NFASC: variants seen among roughly 807,000 people sequenced by gnomAD.
NFASC encodes the protein neurofascin homolog.
Under a neutral mutation model 147.5 loss-of-function variants are expected in NFASC, and 43 were observed. That is an observed-to-expected ratio of 0.29 (90% CI 0.23 to 0.38). The LOEUF is 0.38. Ranked by LOEUF, NFASC falls within the 10% of genes least tolerant of loss-of-function variation. The pLI, the probability that NFASC is intolerant of heterozygous loss-of-function variation, is 1.00. For synonymous variants in NFASC, 622 were observed against 665.5 expected (o/e 0.93, Z 1.01); for missense variants, 1,320 against 1,689.0 (o/e 0.78, Z 3.83).
At chr1:204,840,526 T>G (rs1250598694) in intron 1 of NFASC, among the ~76,000 whole-genome samples, 1 of 152,220 alleles carries the variant, frequency 6.6e-6, no homozygotes. Context: ...TACTAACACC[T>G]GCACCACAGT....
chr1:204,887,768 T>C (rs1053180148), intron 1 of NFASC, among the ~76,000 whole-genome samples: 3 of 151,946 alleles, frequency 2.0e-5, no homozygotes, highest in African/African-American at 7.3e-5. Context: ...AGCTAATTTT[T>C]TATATTTTTT....
intron 1 of NFASC, among the ~76,000 whole-genome samples, chr1:204,916,380 G>A (rs2089255002): frequency 6.6e-6 from 1 of 152,310 alleles, no homozygotes; most frequent in Non-Finnish European, 1.5e-5. Context: ...GGTGGTAATT[G>A]TGATTTCATT....
intron 3 of NFASC, among the ~76,000 whole-genome samples, chr1:204,945,832 C>T (rs747913070): frequency 1.1e-4 from 16 of 152,138 alleles, no homozygotes; most frequent in African/African-American, 3.4e-4. Flanking sequence ...GCCAAGTCCC[C>T]GGAGGGAGGG....
chr1:204,971,796 C>G (rs1382556449), intron 11 of NFASC, among the ~76,000 whole-genome samples: 1 of 152,172 alleles, frequency 6.6e-6, no homozygotes, highest in African/African-American at 2.4e-5. Flanking sequence ...TGTTACTCCC[C>G]AGCTACAAGC....
chr1:204,885,646 CT>C (rs1280347476), intron 1 of NFASC, among the ~76,000 whole-genome samples: 1 of 152,218 alleles, frequency 6.6e-6, no homozygotes, highest in Non-Finnish European at 1.5e-5. Context: ...ACATCACAGC[CT>C]GGTGGGTGGG....
intron 1 of NFASC, among the ~76,000 whole-genome samples, chr1:204,885,510 A>G (rs1221347219): frequency 6.6e-6 from 1 of 152,224 alleles, no homozygotes; most frequent in Non-Finnish European, 1.5e-5. Flanking sequence ...GATGCTAGAA[A>G]TATTTTGCAA....
chr1:204,976,927 C>T (rs760039536), intron 16 of NFASC, 132 bp downstream of exon 16: 1 of 1,451,902 alleles, frequency 6.9e-7, no homozygotes, highest in Non-Finnish European at 9.1e-7. Context: ...GTGATCTCTT[C>T]TTGCCTCGTG....
At chr1:204,839,664 G>A (rs558856335) in intron 1 of NFASC, among the ~76,000 whole-genome samples, 1 of 152,310 alleles carries the variant, frequency 6.6e-6, no homozygotes, top group South Asian at 2.1e-4. Flanking sequence ...TCCTGAGCTC[G>A]CCTCTCCTCT....
At chr1:204,993,004 T>C (rs575692552) in intron 24 of NFASC, among the ~76,000 whole-genome samples, 67 of 152,344 alleles carry the variant, frequency 4.4e-4, no homozygotes, top group Middle Eastern at 3.4e-3. Context: ...TTGCACTTTT[T>C]TGGAAATGAG....
chr1:204,903,911 A>T lies in NFASC; in HGVS notation c.-199-16721A>T, dbSNP rs77413035. ...ATCTTTTTATCTTTCACAGGGTTGTAGGGTGTTTGTTGAAATTTTGCTATA... is the reference window on the plus strand; with the variant it reads ...ATCTTTTTATCTTTCACAGGGTTGTTGGGTGTTTGTTGAAATTTTGCTATA... On this transcript the variant is annotated intron_variant, in intron 1 of 29. Coordinates refer to ENST00000339876, the MANE Select transcript of NFASC (RefSeq NM_001005388.3). Among the ~76,000 whole-genome samples, 205 of 152,272 alleles carry T rather than the reference A, an allele frequency of 1.3e-3. 4 individuals are homozygous for T. The East Asian group carries it at 0.037, about 27-fold the overall frequency.
At chr1:205,002,516 G>C in intron 26 of NFASC, 80 bp from the exon 27 acceptor site, 1 of 1,208,216 alleles carries the variant, frequency 8.3e-7, no homozygotes, top group East Asian at 2.9e-5. Flanking sequence ...TTCTACCTTT[G>C]ACAGGTGACC....
At chr1:204,998,487 G>A (rs939231270) in intron 25 of NFASC, 4 of 152,226 alleles carry the variant, frequency 2.6e-5, no homozygotes, top group Non-Finnish European at 5.9e-5. Flanking sequence ...ATAGACATGA[G>A]AGGATTTTGT....
At position 204,997,219 on chromosome 1, in the gene NFASC, C is replaced by T. The variant is rs995735904; in HGVS notation, c.2832C>T (p.Ser944=). The change falls in exon 25 of 30, where the codon AGC becomes AGT. Residue 944 remains serine (S), a synonymous_variant. Transcript: ENST00000339876. ...PTTVGATGAV[S]STDATAIAAT... ...CCGTGGGTGCGACGGGCGCTGTGAGCAGTACCGATGCTACTGCCATTGCTG... is the reference window on the plus strand; with the variant it reads ...CCGTGGGTGCGACGGGCGCTGTGAGTAGTACCGATGCTACTGCCATTGCTG... 3 of 1,613,780 alleles carry T rather than the reference C, an allele frequency of 1.9e-6. No homozygotes were observed. The highest frequency in any genetic ancestry group is 2.5e-6 in the Non-Finnish European group (3 of 1,179,860).
intron 3 of NFASC, among the ~76,000 whole-genome samples, chr1:204,948,049 G>C (rs1228619837): frequency 6.6e-6 from 1 of 152,142 alleles, no homozygotes; most frequent in African/African-American, 2.4e-5. Flanking sequence ...TCAATCACAC[G>C]CACTCACGTG....
rs562769242 is a variant in NFASC, at chr1:204,986,510, C to A, written c.2471-908C>A. Among the ~76,000 whole-genome samples the A allele has an allele frequency of 6.6e-6, 1 of 152,226 alleles. No homozygotes were observed. Among genetic ancestry groups the A allele is most frequent in the Non-Finnish European group, 1.5e-5 (1 of 68,038 alleles). On this transcript the variant is annotated intron_variant, in intron 21 of 29. Coordinates refer to ENST00000339876, the MANE Select transcript of NFASC (RefSeq NM_001005388.3). This position sits in a 1 kb window ranked among gnomAD's most constrained non-coding sequence, Gnocchi z 4.2. ...CAACACCTTCACGGTTCTCCCCCCACGTTCTCAAGAAGCCGTCACTGAAAT... is the reference window on the plus strand; with the variant it reads ...CAACACCTTCACGGTTCTCCCCCCAAGTTCTCAAGAAGCCGTCACTGAAAT...
chr1:204,979,572 G>A lies in NFASC; in HGVS notation c.2176+13G>A. ...ACCAGTGGAGCACGTGAGTACCCGA[G>A]GGCTGCCAGAGAAGGCTCCGGAACC... On this transcript the variant is annotated intron_variant, in intron 19 of 29. Transcript: ENST00000339876. This position sits in a 1 kb window ranked among gnomAD's most constrained non-coding sequence, Gnocchi z 6.0. The A allele has an allele frequency of 1.2e-6, 2 of 1,612,820 alleles. No homozygotes were observed. The highest frequency in any genetic ancestry group is 2.7e-5 in the African/African-American group (2 of 75,018).
intron 1 of NFASC, among the ~76,000 whole-genome samples, chr1:204,868,008 G>T (rs2077257924): frequency 6.6e-6 from 1 of 152,226 alleles, no homozygotes; most frequent in African/African-American, 2.4e-5. Flanking sequence ...CCTCTGACAG[G>T]GTTACCCAGC....
chr1:204,974,169 G>C lies in NFASC; in HGVS notation c.1280-10G>C. The C allele has an allele frequency of 6.2e-7, 1 of 1,610,970 alleles. No homozygotes were observed. On this transcript the variant is annotated splice_polypyrimidine_tract_variant and intron_variant, in intron 12 of 29. Transcript: ENST00000339876. ...CTTGGCACTCGAGATTGCTTCTCTG[G>C]GAATTTCAGATGTGCCGCCTCGGAT...
chr1:204,922,277 C>T (rs1393776948), intron 2 of NFASC, among the ~76,000 whole-genome samples: 1 of 152,100 alleles, frequency 6.6e-6, no homozygotes, highest in Non-Finnish European at 1.5e-5. Flanking sequence ...GACCAGATCC[C>T]CACCTAAGGA....
Sources: allele counts gnomAD v4.1 joint callset (sites outside exome capture counted in the v4.1 genomes callset), GRCh38; gene constraint gnomAD v4.1.1; non-coding constraint Gnocchi (gnomAD v3.1); transcripts MANE v1.5; gene names NCBI Gene and HGNC (gene_info 2026-07-23, HGNC 2026-07-21).